The following PINX1 variants were observed in gnomAD, a reference collection of about 807,000 sequenced individuals.
The protein encoded by PINX1 is PIN2 (TERF1) interacting telomerase inhibitor 1, also known as PIN2/TERF1-interacting telomerase inhibitor 1.
PINX1 carries 34 observed loss-of-function variants against 25.4 expected under a neutral mutation model. The ratio of observed to expected loss-of-function variants is 1.34; its 90% CI spans 1.02 to 1.78. The LOEUF (loss-of-function observed/expected upper bound fraction) is 1.78. PINX1 is among the 40% of genes most tolerant of loss of function. The pLI, the probability that PINX1 is intolerant of heterozygous loss-of-function variation, is 0.00. For missense variants in PINX1, 592 were observed against 404.9 expected (o/e 1.46, Z -3.97); for synonymous variants, 197 against 147.7 (o/e 1.33, Z -2.42).
intron 6 of PINX1, among the ~76,000 whole-genome samples, chr8:10,783,646 G>A (rs567426850): frequency 3.9e-5 from 6 of 152,326 alleles, no homozygotes; most frequent in African/African-American, 1.4e-4. Context: ...TGATGAGGTT[G>A]TGAACAGGGA....
intron 6 of PINX1, among the ~76,000 whole-genome samples, chr8:10,803,592 G>C (rs1309664133): frequency 2.6e-5 from 4 of 152,080 alleles, no homozygotes; most frequent in Admixed American, 1.3e-4. Flanking sequence ...TTCTAAGATT[G>C]CATCTCTATA....
At chr8:10,770,549 G>T (rs1338254522) in intron 6 of PINX1, among the ~76,000 whole-genome samples, 1 of 152,204 alleles carries the variant, frequency 6.6e-6, no homozygotes, top group Non-Finnish European at 1.5e-5. Flanking sequence ...AGCTACATGA[G>T]TGAGTATCTG....
intron 6 of PINX1, among the ~76,000 whole-genome samples, chr8:10,767,538 G>A (rs1801092927): frequency 6.6e-6 from 1 of 152,242 alleles, no homozygotes; most frequent in East Asian, 1.9e-4. Context: ...AATTCCATAG[G>A]GTGATTTTGA....
intron 6 of PINX1, among the ~76,000 whole-genome samples, chr8:10,769,705 C>G (rs964471104): frequency 1.3e-5 from 2 of 152,192 alleles, no homozygotes; most frequent in African/African-American, 4.8e-5. Flanking sequence ...AGTGAGACTC[C>G]TAGCACTTAA....
intron 4 of PINX1, among the ~76,000 whole-genome samples, chr8:10,830,846 C>A (rs978430063): frequency 6.6e-6 from 1 of 152,182 alleles, no homozygotes; most frequent in African/African-American, 2.4e-5. Context: ...GAAATTGGAA[C>A]TCTTATGCAC....
chr8:10,794,777 T>G (rs1232598364), intron 6 of PINX1, among the ~76,000 whole-genome samples: 1 of 152,194 alleles, frequency 6.6e-6, no homozygotes, highest in Non-Finnish European at 1.5e-5. Context: ...ATTAGACTTT[T>G]ACGGGTTTAA....
At chr8:10,773,570 C>T (rs1262790152) in intron 6 of PINX1, among the ~76,000 whole-genome samples, 1 of 152,200 alleles carries the variant, frequency 6.6e-6, no homozygotes, top group African/African-American at 2.4e-5. Flanking sequence ...AATAGCTTGG[C>T]TGGACTTTAG....
chr8:10,800,350 A>T (rs925632168), intron 6 of PINX1, among the ~76,000 whole-genome samples: 4 of 152,208 alleles, frequency 2.6e-5, no homozygotes, highest in Non-Finnish European at 5.9e-5. Flanking sequence ...AATGTCAATG[A>T]TAATTATTTT....
intron 6 of PINX1, among the ~76,000 whole-genome samples, chr8:10,786,831 T>C (rs1221606702): frequency 6.6e-6 from 1 of 152,174 alleles, no homozygotes; most frequent in Non-Finnish European, 1.5e-5. Context: ...CAAACTGCAC[T>C]TGCACCCAGC....
intron 4 of PINX1, among the ~76,000 whole-genome samples, chr8:10,830,530 C>T (rs781156621): frequency 1.3e-5 from 2 of 152,220 alleles, no homozygotes; most frequent in African/African-American, 2.4e-5. Context: ...TTTCACTCCA[C>T]AAAATTCTTT....
chr8:10,811,763 C>T (rs1373216682), intron 6 of PINX1, among the ~76,000 whole-genome samples: 2 of 152,106 alleles, frequency 1.3e-5, no homozygotes, highest in Admixed American at 6.5e-5. Flanking sequence ...GGGCTCGGGG[C>T]AGCTGGACTA....
chr8:10,777,557 C>A (rs914852186), intron 6 of PINX1, among the ~76,000 whole-genome samples: 2 of 152,032 alleles, frequency 1.3e-5, no homozygotes, highest in Non-Finnish European at 2.9e-5. Context: ...GTTGGGTGTG[C>A]GAGTGGCTTG....
At chr8:10,791,002 T>C (rs1005182109) in intron 6 of PINX1, among the ~76,000 whole-genome samples, 2 of 152,112 alleles carry the variant, frequency 1.3e-5, no homozygotes, top group Non-Finnish European at 2.9e-5. Context: ...AGCCTCCGCT[T>C]CCCAAGTTCA....
At chr8:10,803,071 T>C (rs1802320609) in intron 6 of PINX1, among the ~76,000 whole-genome samples, 1 of 152,164 alleles carries the variant, frequency 6.6e-6, no homozygotes, top group Non-Finnish European at 1.5e-5. Flanking sequence ...AACATATTAT[T>C]AGTAGATTAA....
At chr8:10,774,001 T>C (rs1801310763) in intron 6 of PINX1, among the ~76,000 whole-genome samples, 3 of 152,210 alleles carry the variant, frequency 2.0e-5, no homozygotes. Flanking sequence ...ATAATCCAAA[T>C]TGACTGCATT....
rs1408125759 is a variant in PINX1 at position 10,765,651 on chromosome 8, T to G, written c.737A>C (p.Gln246Pro). ...GCTCTTCTTCTTGGCCACTCGCTCC[T>G]GGGCCTCGGCCCTCTCGGGCTTTCC... ...TEGKPERAEA[Q>P]ERVAKKKSAP... The change falls in exon 7 of 7, where the codon CAG becomes CCG. Residue 246 changes from glutamine (Q) to proline (P), a missense_variant. Coordinates refer to ENST00000314787, the MANE Select transcript of PINX1 (RefSeq NM_017884.6). 3 of 1,613,910 alleles carry G rather than the reference T, an allele frequency of 1.9e-6. No individual in the cohort carries two copies. The highest frequency in any genetic ancestry group is 1.3e-5 in the African/African-American group (1 of 74,954).
chr8:10,816,376 G>C (rs1257665245), intron 6 of PINX1, among the ~76,000 whole-genome samples: 1 of 152,174 alleles, frequency 6.6e-6, no homozygotes, highest in Non-Finnish European at 1.5e-5. Context: ...TTAATCAAGG[G>C]CTGCAGATGT....
intron 6 of PINX1, among the ~76,000 whole-genome samples, chr8:10,801,954 C>G (rs1802276715): frequency 6.6e-6 from 1 of 152,136 alleles, no homozygotes; most frequent in African/African-American, 2.4e-5. Flanking sequence ...TGGAATGCAG[C>G]AATCTCACAG....
Position 10,767,061 on chromosome 8 carries a change from A to G in PINX1, c.472-1145T>C, listed in dbSNP as rs941994385. On this transcript the variant is annotated intron_variant, in intron 6 of 6. Coordinates refer to ENST00000314787, the MANE Select transcript of PINX1 (RefSeq NM_017884.6). ...AAACTTAGGTTTTCATAGTCACCCAACTTCTTCCTTCATACTCATTTATCT... is the reference window on the plus strand; with the variant it reads ...AAACTTAGGTTTTCATAGTCACCCAGCTTCTTCCTTCATACTCATTTATCT... Among the ~76,000 whole-genome samples, 118 of 152,058 alleles carry G rather than the reference A, an allele frequency of 7.8e-4. 1 individual carries two copies. Among genetic ancestry groups the G allele is most frequent in the Admixed American group, 7.5e-3 (114 of 15,254 alleles).
Sources: gnomAD v4.1 joint callset for allele counts (sites outside exome capture counted in the v4.1 genomes callset) on GRCh38, gnomAD v4.1.1 for gene constraint, MANE v1.5 for transcripts, NCBI Gene and HGNC (gene_info 2026-07-23, HGNC 2026-07-21) for gene names.